Variants in IGF2R observed in about 807,000 individuals in gnomAD.
IGF2R encodes insulin like growth factor 2 receptor, also known as cation-independent mannose-6-phosphate receptor.
In IGF2R, 91 loss-of-function variants were observed where a neutral mutation model predicts 270.6. That is an observed-to-expected ratio of 0.34 (90% CI 0.28 to 0.40). The LOEUF is 0.40. Among genes scored for constraint, IGF2R ranks in the 10% least tolerant of loss-of-function variants. The probability of loss-of-function intolerance (pLI) is 1.00; values close to 1 mark genes in which losing one functional copy is unlikely to be tolerated. For synonymous variants in IGF2R, 1,316 were observed against 1,258.9 expected (o/e 1.05, Z -0.96); for missense variants, 2,805 against 3,188.3 (o/e 0.88, Z 2.90).
intron 4 of IGF2R, 81 bp from the exon 5 acceptor site, chr6:160,024,491 T>G: frequency 7.5e-7 from 1 of 1,329,698 alleles, no homozygotes; most frequent in Non-Finnish European, 1.1e-6. Flanking sequence ...TGGAGAGCAG[T>G]GTTGTGTGAC....
chr6:160,056,421 C>T lies in IGF2R; in HGVS notation c.2695-3C>T. 6.2e-7 allele frequency: 1 copy of T among 1,608,664 alleles called. No individual in the cohort carries two copies. Among genetic ancestry groups the T allele is most frequent in the Non-Finnish European group, 8.5e-7 (1 of 1,174,958 alleles). On this transcript the variant is annotated splice_region_variant and splice_polypyrimidine_tract_variant and intron_variant, in intron 19 of 47. Coordinates refer to ENST00000356956, the MANE Select transcript of IGF2R (RefSeq NM_000876.4). Reference sequence around the variant, plus strand: ...GACTTTTACCCTGGATTTGCCCATTCAGAACAGCCACCCCATCTTTTCTCT... The same window carrying T: ...GACTTTTACCCTGGATTTGCCCATTTAGAACAGCCACCCCATCTTTTCTCT...
chr6:160,020,978 A>G (rs1358910625), intron 4 of IGF2R, among the ~76,000 whole-genome samples: 1 of 152,234 alleles, frequency 6.6e-6, no homozygotes, highest in African/African-American at 2.4e-5. Context: ...AAACTTCTGC[A>G]CAGCAAAATA....
In IGF2R at chr6:160,046,483, T is replaced by C. The variant is rs1778071376; in HGVS notation, c.1904-15T>C. 1.3e-6 allele frequency: 2 copies of C among 1,599,774 alleles called. No homozygotes were observed. The highest frequency in any genetic ancestry group is 2.7e-5 in the African/African-American group (2 of 73,582). On this transcript the variant is annotated splice_polypyrimidine_tract_variant and intron_variant, in intron 14 of 47. Transcript: ENST00000356956. ...ACTGACCTTCCATACTTTTATTGTT[T>C]TTATTCTTTCTTAGGGTTTTCTTTT...
intron 45 of IGF2R, among the ~76,000 whole-genome samples, chr6:160,096,847 C>T (rs1170088806): frequency 6.6e-6 from 1 of 152,160 alleles, no homozygotes; most frequent in Non-Finnish European, 1.5e-5. Flanking sequence ...CACCTCCCAC[C>T]ACCCCCAGCA....
intron 44 of IGF2R, among the ~76,000 whole-genome samples, chr6:160,091,636 C>G (rs1274459219): frequency 6.6e-6 from 1 of 152,244 alleles, no homozygotes; most frequent in Non-Finnish European, 1.5e-5. Flanking sequence ...GGAGCTAGCA[C>G]TCTGTGTTTC....
At chr6:160,035,442 G>A (rs1777797642) in intron 10 of IGF2R, among the ~76,000 whole-genome samples, 1 of 152,178 alleles carries the variant, frequency 6.6e-6, no homozygotes, top group South Asian at 2.1e-4. Flanking sequence ...CGTTGGGAGA[G>A]ACAGGCACCC....
chr6:160,030,752 G>A lies in IGF2R; in HGVS notation c.882+1097G>A, dbSNP rs116817618. Among the ~76,000 whole-genome samples, 245 of 152,034 alleles carry A rather than the reference G, an allele frequency of 1.6e-3. 1 individual carries two copies. Among genetic ancestry groups the A allele is most frequent in the African/African-American group, 5.3e-3 (218 of 41,446 alleles). On this transcript the variant is annotated intron_variant, in intron 7 of 47. Coordinates refer to ENST00000356956, the MANE Select transcript of IGF2R (RefSeq NM_000876.4). ...GAGTTTTCCTCCTTTTTCTTCGAAG[G>A]GGTATGAGGCATTTCTTGGTGTTAG...
chr6:159,996,341 A>C (rs558464635), intron 2 of IGF2R, among the ~76,000 whole-genome samples: 2 of 152,236 alleles, frequency 1.3e-5, no homozygotes, highest in South Asian at 4.1e-4. Context: ...TGGGTCTATG[A>C]GTCTCTGTGC....
chr6:160,009,752 T>C (rs1784304408), intron 3 of IGF2R, among the ~76,000 whole-genome samples: 1 of 152,234 alleles, frequency 6.6e-6, no homozygotes, highest in Non-Finnish European at 1.5e-5. Flanking sequence ...AAGGAATTGG[T>C]ATACAAATTC....
At chr6:160,079,194 C>T (rs888069326) in intron 37 of IGF2R, among the ~76,000 whole-genome samples, 1 of 152,180 alleles carries the variant, frequency 6.6e-6, no homozygotes, top group African/African-American at 2.4e-5. Context: ...CATGCTTCAG[C>T]GTGCAGCGTC....
intron 25 of IGF2R, among the ~76,000 whole-genome samples, chr6:160,062,198 G>A (rs1483960846): frequency 7.3e-6 from 1 of 136,250 alleles, no homozygotes; most frequent in Admixed American, 7.8e-5. Flanking sequence ...TTTTGAGATG[G>A]AGTCTTACTC....
At chr6:160,027,463 AT>A in intron 6 of IGF2R, 149 bp downstream of exon 6, 1 of 932,838 alleles carries the variant, frequency 1.1e-6, no homozygotes, top group African/African-American at 1.7e-5. Context: ...ATTGTTGGTC[AT>A]TGCTGTGAGT....
At chr6:160,045,466 C>A (rs1388272376) in intron 13 of IGF2R, among the ~76,000 whole-genome samples, 4 of 152,196 alleles carry the variant, frequency 2.6e-5, no homozygotes, top group Non-Finnish European at 5.9e-5. Flanking sequence ...CCATCCATCT[C>A]CAGAACTTTT....
chr6:160,045,390 G>A (rs376616920), intron 13 of IGF2R, among the ~76,000 whole-genome samples: 106 of 152,240 alleles, frequency 7.0e-4, no homozygotes, highest in South Asian at 4.1e-4. Flanking sequence ...ACAACATAAC[G>A]TAAAATGTAC....
At chr6:160,085,245 G>T in intron 41 of IGF2R, 114 bp downstream of exon 41, 1 of 1,111,890 alleles carries the variant, frequency 9.0e-7, no homozygotes, top group African/African-American at 1.6e-5. Flanking sequence ...GAAACCTCCA[G>T]ATATGATTGC....
rs142678998 is a variant in IGF2R, at chr6:160,086,927, G to A, written c.6206-1106G>A. Among the ~76,000 whole-genome samples the A allele has an allele frequency of 4.0e-3, 610 of 152,074 alleles. 3 individuals are homozygous for A. Among genetic ancestry groups the A allele is most frequent in the African/African-American group, 0.013 (523 of 41,466 alleles). On this transcript the variant is annotated intron_variant, in intron 41 of 47. Transcript: ENST00000356956. ...CACCTGCTTCCCCTGGACACCCTGC[G>A]CCATGCCCTGGAGACATCATCTGTC...
At chr6:160,033,137 T>A in intron 9 of IGF2R, 30 bp downstream of exon 9, 1 of 1,563,086 alleles carries the variant, frequency 6.4e-7, no homozygotes, top group Middle Eastern at 1.7e-4. Flanking sequence ...GCGATTTTCC[T>A]TTTTCTTTGT....
Position 160,104,984 on chromosome 6 carries a change from C to T in IGF2R, c.7376C>T (p.Ala2459Val), listed in dbSNP as rs8191955. Reference sequence around the variant, plus strand: ...GTGGGGCTGGTCAGGGGTGAGAAGGCGAGGAAAGGGAAGTCCAGCTCTGCA... The same window carrying T: ...GTGGGGCTGGTCAGGGGTGAGAAGGTGAGGAAAGGGAAGTCCAGCTCTGCA... ...DRVGLVRGEK[A>V]RKGKSSSAQQ... The change falls in exon 48 of 48, where the codon GCG (alanine) becomes GTG (valine). Residue 2459 changes from alanine (A) to valine (V), a missense_variant. Transcript: ENST00000356956. 3.0e-4 allele frequency: 477 copies of T among 1,613,908 alleles called. 2 individuals are homozygous for T. In the East Asian group the frequency reaches 6.9e-3, roughly 23 times the overall value.
At chr6:160,048,087 A>G (rs1463387983) in intron 17 of IGF2R, among the ~76,000 whole-genome samples, 180 bp downstream of exon 17, 2 of 152,234 alleles carry the variant, frequency 1.3e-5, no homozygotes, top group African/African-American at 4.8e-5. Flanking sequence ...CCTTTGGGAT[A>G]GCAACCAGTC....
Sources: allele counts gnomAD v4.1 joint callset (sites outside exome capture counted in the v4.1 genomes callset), GRCh38; gene constraint gnomAD v4.1.1; transcripts MANE v1.5; gene names NCBI Gene and HGNC (gene_info 2026-07-23, HGNC 2026-07-21).